ZFHX4: variants seen among roughly 807,000 people sequenced by gnomAD.
ZFHX4 encodes the protein zinc finger homeobox protein 4.
In ZFHX4, 56 loss-of-function variants were observed where a neutral mutation model predicts 267.6. The observed-to-expected ratio is 0.21, with a 90% CI of 0.17 to 0.26. The LOEUF is 0.26. ZFHX4 is among the 10% of genes least tolerant of loss of function. ZFHX4 has a pLI of 1.00. For missense variants in ZFHX4, 4,332 were observed against 4,420.0 expected, an observed-to-expected ratio of 0.98 and a Z score of 0.56; for synonymous variants, 1,778 against 1,665.6, an observed-to-expected ratio of 1.07 and a Z score of -1.64.
At chr8:76,729,278 A>T (rs933334113) in intron 3 of ZFHX4, among the ~76,000 whole-genome samples, 4 of 152,050 alleles carry the variant, frequency 2.6e-5, no homozygotes, top group African/African-American at 9.7e-5. Flanking sequence ...TTCTGCTTTG[A>T]AGGTTAGTTG....
chr8:76,796,362 T>C (rs567666391), intron 4 of ZFHX4, among the ~76,000 whole-genome samples: 1 of 152,302 alleles, frequency 6.6e-6, no homozygotes, highest in South Asian at 2.1e-4. Flanking sequence ...TTAATATGAA[T>C]TGCAGTTTTT....
chr8:76,808,460 C>T (rs919293945), intron 4 of ZFHX4, among the ~76,000 whole-genome samples: 6 of 152,034 alleles, frequency 3.9e-5, no homozygotes, highest in Admixed American at 6.6e-5. Flanking sequence ...TGGTACACTG[C>T]GAAGACCTAG....
Position 76,708,059 on chromosome 8 carries a change from A to G in ZFHX4, c.3093+11A>G. 6.2e-7 allele frequency: 1 copy of G among 1,612,420 alleles called. No individual in the cohort carries two copies. The highest frequency in any genetic ancestry group is 8.5e-7 in the Non-Finnish European group (1 of 1,179,880). On this transcript the variant is annotated intron_variant, in intron 3 of 10. Coordinates refer to ENST00000651372, the MANE Select transcript of ZFHX4 (RefSeq NM_024721.5). Reference sequence around the variant, plus strand: ...CTGAAGCTCTACAAGGTAAGCAGTGACATCCATTTCCGTTGGCACAGAGTA... The same window carrying G: ...CTGAAGCTCTACAAGGTAAGCAGTGGCATCCATTTCCGTTGGCACAGAGTA...
At chr8:76,713,147 A>G (rs1808469684) in intron 3 of ZFHX4, among the ~76,000 whole-genome samples, 1 of 152,198 alleles carries the variant, frequency 6.6e-6, no homozygotes, top group Non-Finnish European at 1.5e-5. Flanking sequence ...CTACTTCAGC[A>G]CAAATATGGA....
chr8:76,704,026 C>A lies in ZFHX4; in HGVS notation c.-46-17C>A. 1 of 1,481,816 alleles carries A rather than the reference C, an allele frequency of 6.7e-7. No individual in the cohort carries two copies. Among genetic ancestry groups the A allele is most frequent in the Non-Finnish European group, 9.0e-7 (1 of 1,110,376 alleles). 91.8% of individuals were successfully genotyped at this position (1,481,816 alleles called of 1,614,324 possible). On this transcript the variant is annotated splice_polypyrimidine_tract_variant and intron_variant, in intron 1 of 10. Transcript: ENST00000651372. ...TATTTAATAAAAATGGCTTCTCTCA[C>A]CTTATTTTTTATCCAGGTCCCTGAC... is the stretch of plus-strand genomic sequence containing the variant.
rs930102672 is a variant in ZFHX4, at chr8:76,839,079, G to T, written c.3395-3576G>T. ...AGAGAGAGAGAGAGAGAGAGAGAGA[G>T]AGAGAGAGAGAGAGAGAGAGAAGGA... On this transcript the variant is annotated intron_variant, in intron 5 of 10. Transcript: ENST00000651372. 4.7e-4 allele frequency among the ~76,000 whole-genome samples: 71 copies of T among 149,506 alleles called. 1 individual carries two copies. The East Asian group carries it at 0.014, about 29-fold the overall frequency.
At position 76,867,187 on chromosome 8, in the gene ZFHX4, T is replaced by C. The variant is rs1337471118; in HGVS notation, c.*2622T>C. 6.6e-6 allele frequency: 1 copy of C among 152,630 alleles called. No homozygotes were observed. The highest frequency in any genetic ancestry group is 1.9e-4 in the East Asian group (1 of 5,200). 9.5% of individuals were successfully genotyped at this position (152,630 alleles called of 1,614,324 possible). Reference sequence around the variant, plus strand: ...ACCTGTTGTCATAGTTGAAATGATGTTTATTGTAGATGGTATTTGAACTTA... The same window carrying C: ...ACCTGTTGTCATAGTTGAAATGATGCTTATTGTAGATGGTATTTGAACTTA... On this transcript the variant is annotated 3_prime_UTR_variant, in exon 11 of 11. Coordinates refer to ENST00000651372, the MANE Select transcript of ZFHX4 (RefSeq NM_024721.5).
chr8:76,688,700 T>C (rs1018675074), intron 1 of ZFHX4, among the ~76,000 whole-genome samples: 2 of 152,136 alleles, frequency 1.3e-5, no homozygotes, highest in South Asian at 4.1e-4. Flanking sequence ...GAATTGGTTC[T>C]TTTGTACCTA....
At chr8:76,777,903 A>ATAACTAGT (rs1810442016) in intron 3 of ZFHX4, among the ~76,000 whole-genome samples, 1 of 143,142 alleles carries the variant, frequency 7.0e-6, no homozygotes, top group South Asian at 2.2e-4. Flanking sequence ...TTTTTCTGAG[A>ATAACTAGT]TAACTAGTTA....
chr8:76,858,711 C>T (rs1398352292), intron 10 of ZFHX4, among the ~76,000 whole-genome samples: 1 of 152,110 alleles, frequency 6.6e-6, no homozygotes, highest in Non-Finnish European at 1.5e-5. Context: ...TTATCTGTCA[C>T]CAAACAATTA....
chr8:76,808,193 T>C (rs890642421), intron 4 of ZFHX4, among the ~76,000 whole-genome samples: 20 of 152,120 alleles, frequency 1.3e-4, no homozygotes, highest in Non-Finnish European at 2.6e-4. Context: ...CCAAAAAAAC[T>C]TTTACTAGTC....
chr8:76,799,819 A>G (rs914491960), intron 4 of ZFHX4, among the ~76,000 whole-genome samples: 1 of 152,274 alleles, frequency 6.6e-6, no homozygotes, highest in East Asian at 1.9e-4. Context: ...TTCAGGAAAC[A>G]TCGTCTTGCC....
chr8:76,850,894 C>T lies in ZFHX4; in HGVS notation c.3973C>T (p.Pro1325Ser), dbSNP rs1425956706. ...GTGCTTTTTCCTAATAGGTGAAAGT[C>T]CAATGGATGACAAAAGCATGGCAGG... is the stretch of plus-strand genomic sequence containing the variant. ...EGSGKYSGES[P>S]MDDKSMAGLE... The change falls in exon 10 of 11, where the codon CCA becomes TCA. Residue 1325 changes from proline to serine, a missense_variant. Physicochemically the swap from Pro to Ser is moderately conservative, Grantham distance 74. Coordinates refer to ENST00000651372, the MANE Select transcript of ZFHX4 (RefSeq NM_024721.5). 3 of 1,603,498 alleles carry T rather than the reference C, an allele frequency of 1.9e-6. No homozygotes were observed. The highest frequency in any genetic ancestry group is 2.6e-6 in the Non-Finnish European group (3 of 1,175,220).
intron 6 of ZFHX4, 41 bp downstream of exon 6, chr8:76,842,812 C>A: frequency 7.3e-7 from 1 of 1,369,478 alleles, no homozygotes; most frequent in Non-Finnish European, 1.0e-6. Flanking sequence ...TTCCCTATAC[C>A]CATTCCCTGC....
At position 76,852,233 on chromosome 8, in the gene ZFHX4, C is replaced by A; in HGVS notation, c.5312C>A (p.Ala1771Asp). The change falls in exon 10 of 11, where the codon GCT (alanine) becomes GAT (aspartate). Residue 1771 changes from alanine (A) to aspartate (D), a missense_variant. Ala to Asp is a moderately radical substitution (Grantham distance 126, BLOSUM62 -2). Transcript: ENST00000651372. ...TFGMPGMTGM[A>D]GSLLEDLKQQ... The stretch of plus-strand genomic sequence containing the variant: ...GGGATGCCTGGCATGACAGGAATGG[C>A]TGGCTCCTTGCTTGAAGACCTAAAG... The A allele has an allele frequency of 6.2e-7, 1 of 1,611,718 alleles. No individual in the cohort carries two copies. Among genetic ancestry groups the A allele is most frequent in the Non-Finnish European group, 8.5e-7 (1 of 1,178,582 alleles).
At chr8:76,681,776 C>T (rs866804182) in intron 1 of ZFHX4, among the ~76,000 whole-genome samples, 156 bp downstream of exon 1, 5 of 152,194 alleles carry the variant, frequency 3.3e-5, no homozygotes, top group Middle Eastern at 3.4e-3. Context: ...TCGCTCGCTC[C>T]TGCTCGCTGT....
chr8:76,760,604 T>C (rs767165997), intron 3 of ZFHX4, among the ~76,000 whole-genome samples: 2 of 151,954 alleles, frequency 1.3e-5, no homozygotes, highest in Non-Finnish European at 2.9e-5. Flanking sequence ...GGGAAAGCTT[T>C]TCTGACTCAC....
chr8:76,809,505 C>T (rs964674446), intron 4 of ZFHX4, among the ~76,000 whole-genome samples: 6 of 152,022 alleles, frequency 3.9e-5, no homozygotes, highest in African/African-American at 9.7e-5. Context: ...ATAAAGTAAA[C>T]GAAGGTACTT....
intron 3 of ZFHX4, among the ~76,000 whole-genome samples, chr8:76,772,413 G>C (rs1198713131): frequency 6.6e-6 from 1 of 152,142 alleles, no homozygotes; most frequent in East Asian, 1.9e-4. Flanking sequence ...GTTAATGGTA[G>C]TTAGAACTAA....
Sources: allele counts gnomAD v4.1 joint callset (sites outside exome capture counted in the v4.1 genomes callset), GRCh38; gene constraint gnomAD v4.1.1; transcripts MANE v1.5; gene names NCBI Gene and HGNC (gene_info 2026-07-23, HGNC 2026-07-21).